HNRNPLL: variants seen among roughly 807,000 people sequenced by gnomAD.
The protein encoded by HNRNPLL is heterogeneous nuclear ribonucleoprotein L like, also known as heterogeneous nuclear ribonucleoprotein L-like.
HNRNPLL carries 25 observed loss-of-function variants against 67.1 expected under a neutral mutation model. The observed-to-expected ratio is 0.37, with a 90% CI of 0.27 to 0.52. The LOEUF (loss-of-function observed/expected upper bound fraction) is 0.52, where lower values mean the gene tolerates loss of function less well. Among genes scored for constraint, HNRNPLL ranks in the 20% least tolerant of loss-of-function variants. The pLI is 0.90. For synonymous variants in HNRNPLL, 267 were observed against 241.7 expected (o/e 1.10, Z -0.97); for missense variants, 542 against 673.9 (o/e 0.80, Z 2.17).
At position 38,584,127 on chromosome 2, in the gene HNRNPLL, T is replaced by C. The variant is rs146447892; in HGVS notation, c.547-201A>G. Among the ~76,000 whole-genome samples the C allele has an allele frequency of 2.4e-4, 36 of 152,284 alleles. No homozygotes were observed. The East Asian group carries it at 5.2e-3, about 22-fold the overall frequency. Reference sequence around the variant, plus strand: ...CCTAGGCTAGAGTGCAGTGGCACGATCACAGTTCCCTACAGCCCTGACTTC... The same window carrying C: ...CCTAGGCTAGAGTGCAGTGGCACGACCACAGTTCCCTACAGCCCTGACTTC... On this transcript the variant is annotated intron_variant, in intron 3 of 12. Coordinates refer to ENST00000449105, the MANE Select transcript of HNRNPLL (RefSeq NM_138394.4).
chr2:38,602,364 G>A, intron 1 of HNRNPLL, 74 bp downstream of exon 1: 2 of 1,395,746 alleles, frequency 1.4e-6, no homozygotes, highest in African/African-American at 1.5e-5. Flanking sequence ...GAAGCAAGCG[G>A]GAGGCCCCGC....
chr2:38,591,682 T>A (rs775884362), intron 1 of HNRNPLL, 34 bp from the exon 2 acceptor site: 1 of 1,477,764 alleles, frequency 6.8e-7, no homozygotes, highest in Non-Finnish European at 9.5e-7. Flanking sequence ...GTTAAAAAAA[T>A]TTTAAGTCTA....
At chr2:38,595,225 A>C (rs562341514) in intron 1 of HNRNPLL, among the ~76,000 whole-genome samples, 2 of 140,984 alleles carry the variant, frequency 1.4e-5, no homozygotes, top group African/African-American at 5.2e-5. Context: ...GGTTGCAGTG[A>C]GCCAAGATCG....
At chr2:38,577,851 G>A (rs1666358550) in intron 6 of HNRNPLL, 1 of 474,712 alleles carries the variant, frequency 2.1e-6, no homozygotes, top group South Asian at 1.6e-5. Context: ...GTTTGACACT[G>A]TACAGAAGTT....
At chr2:38,602,357 G>T in intron 1 of HNRNPLL, 81 bp downstream of exon 1, 1 of 1,362,696 alleles carries the variant, frequency 7.3e-7, no homozygotes, top group Non-Finnish European at 1.0e-6. Context: ...GCTAACTGAA[G>T]CAAGCGGGAG....
intron 12 of HNRNPLL, chr2:38,566,227 G>T (rs1450968348): frequency 5.0e-5 from 11 of 222,010 alleles, no homozygotes; most frequent in Non-Finnish European, 7.6e-5. Flanking sequence ...AATTAGCTGG[G>T]TGTGGTGGTG....
intron 2 of HNRNPLL, among the ~76,000 whole-genome samples, chr2:38,589,662 G>C (rs1666885973): frequency 6.6e-6 from 1 of 152,082 alleles, no homozygotes; most frequent in South Asian, 2.1e-4. Flanking sequence ...AAATTTTAGA[G>C]TCTAAAAATG....
intron 4 of HNRNPLL, 57 bp downstream of exon 4, chr2:38,583,784 G>T (rs1398641085): frequency 5.3e-5 from 43 of 818,156 alleles, no homozygotes; most frequent in Non-Finnish European, 8.2e-5. Flanking sequence ...GCTTAAGCCA[G>T]AAAAAATAAG....
intron 7 of HNRNPLL, among the ~76,000 whole-genome samples, chr2:38,573,747 T>C (rs1666186810): frequency 6.6e-6 from 1 of 151,868 alleles, no homozygotes; most frequent in African/African-American, 2.4e-5. Flanking sequence ...GGGGCTACTG[T>C]ATATAAATTA....
At chr2:38,587,132 A>G (rs1666765536) in intron 2 of HNRNPLL, among the ~76,000 whole-genome samples, 1 of 152,212 alleles carries the variant, frequency 6.6e-6, no homozygotes, top group Non-Finnish European at 1.5e-5. Context: ...CTGTTTCTCA[A>G]TCAGGCATCC....
At chr2:38,570,053 C>T (rs1408753883) in intron 8 of HNRNPLL, 128 bp from the exon 9 acceptor site, 3 of 656,496 alleles carry the variant, frequency 4.6e-6, no homozygotes, top group Admixed American at 5.4e-5. Context: ...TAACTATACT[C>T]TGCCATGTTA....
intron 8 of HNRNPLL, among the ~76,000 whole-genome samples, chr2:38,571,579 G>C (rs1666085719): frequency 6.6e-6 from 1 of 152,074 alleles, no homozygotes; most frequent in Non-Finnish European, 1.5e-5. Context: ...GGATTTTTCA[G>C]CTTTATTTGA....
intron 1 of HNRNPLL, chr2:38,601,734 A>C (rs1033241904): frequency 6.6e-6 from 1 of 152,180 alleles, no homozygotes; most frequent in Non-Finnish European, 1.5e-5. Context: ...AAACTTTAGT[A>C]ATTTTAAGAT....
At chr2:38,591,273 A>G (rs1052657888) in intron 2 of HNRNPLL, among the ~76,000 whole-genome samples, 2 of 152,160 alleles carry the variant, frequency 1.3e-5, no homozygotes, top group Non-Finnish European at 2.9e-5. Flanking sequence ...AAGCACACAT[A>G]ATTTCTTTAT....
chr2:38,577,411 C>T, intron 7 of HNRNPLL, 50 bp downstream of exon 7: 1 of 1,105,548 alleles, frequency 9.0e-7, no homozygotes, highest in Non-Finnish European at 1.4e-6. Context: ...AGAAATGCAG[C>T]AAGTCAAACA....
At chr2:38,564,634 A>T (rs1665783710) in intron 12 of HNRNPLL, among the ~76,000 whole-genome samples, 1 of 151,602 alleles carries the variant, frequency 6.6e-6, no homozygotes, top group East Asian at 1.9e-4. Context: ...AAAAAAAAAA[A>T]AAAGTAAAAT....
intron 10 of HNRNPLL, 128 bp from the exon 11 acceptor site, chr2:38,568,571 T>G: frequency 1.6e-6 from 1 of 620,562 alleles, no homozygotes; most frequent in Non-Finnish European, 2.8e-6. Context: ...CAAGTATGTT[T>G]TCTACATTAA....
At chr2:38,596,794 T>C (rs1572465171) in intron 1 of HNRNPLL, among the ~76,000 whole-genome samples, 1 of 152,194 alleles carries the variant, frequency 6.6e-6, no homozygotes, top group Non-Finnish European at 1.5e-5. Flanking sequence ...CTGTATCTAT[T>C]GCTTACCAGA....
intron 2 of HNRNPLL, among the ~76,000 whole-genome samples, chr2:38,589,757 T>G (rs917208930): frequency 6.6e-6 from 1 of 152,196 alleles, no homozygotes; most frequent in African/African-American, 2.4e-5. Flanking sequence ...TGGTACTAAT[T>G]AACATCAAAA....
Sources: gnomAD v4.1 joint callset for allele counts (sites outside exome capture counted in the v4.1 genomes callset) on GRCh38, gnomAD v4.1.1 for gene constraint, MANE v1.5 for transcripts, NCBI Gene and HGNC (gene_info 2026-07-23, HGNC 2026-07-21) for gene names.